Variants in NPTX2 observed in about 807,000 individuals in gnomAD.
NPTX2 encodes the protein neuronal pentraxin-2.
NPTX2 carries 23 observed loss-of-function variants against 38.1 expected under a neutral mutation model. The observed-to-expected ratio is 0.60, with a 90% confidence interval of 0.43 to 0.85. The LOEUF (loss-of-function observed/expected upper bound fraction) is 0.85. NPTX2 is among the 40% of genes least tolerant of loss of function. The probability of loss-of-function intolerance (pLI) is 0.00; values close to 1 mark genes in which losing one functional copy is unlikely to be tolerated. For missense variants in NPTX2, 553 were observed against 615.3 expected, an observed-to-expected ratio of 0.90 and a Z score of 1.07; for synonymous variants, 291 against 287.3, an observed-to-expected ratio of 1.01 and a Z score of -0.13.
In NPTX2 at chr7:98,625,094, G is replaced by A. The variant is rs146031119; in HGVS notation, c.816G>A (p.Val272=). 3.7e-6 allele frequency: 6 copies of A among 1,612,346 alleles called. No individual in the cohort carries two copies. In the African/African-American group the frequency reaches 6.7e-5, roughly 18 times the overall value. The part of the protein sequence containing the change: ...PGIGTPFSYA[V]PGQANEIVLI... ...TTGGCACCCCCTTCTCCTATGCGGT[G>A]CCAGGGCAGGCCAACGAGATCGTGC... Residue 272 remains valine, a synonymous_variant, in exon 3 of 5, where the codon GTG becomes GTA. Coordinates refer to ENST00000265634, the MANE Select transcript of NPTX2 (RefSeq NM_002523.3).
At chr7:98,618,330 C>G (rs995443303) in intron 1 of NPTX2, among the ~76,000 whole-genome samples, 1 of 152,108 alleles carries the variant, frequency 6.6e-6, no homozygotes, top group South Asian at 2.1e-4. Context: ...TCAGCTGCCC[C>G]GGGCATGTGG....
Position 98,624,982 on chromosome 7 carries a change from A to T in NPTX2, c.704A>T (p.Tyr235Phe). ...FKVSLPLRTN[Y>F]LYGKIKKTLP... is the part of the protein sequence containing the mutation. The stretch of plus-strand genomic sequence containing the variant: ...GTGTCCCTCCCACTCCGCACAAACT[A>T]CCTATACGGCAAGATCAAGAAGACG... Residue 235 changes from tyrosine (Y) to phenylalanine (F), a missense_variant, in exon 3 of 5, where the codon TAC becomes TTC. By Grantham distance (22) the Tyr-to-Phe change is conservative. Transcript: ENST00000265634. The T allele has an allele frequency of 6.2e-7, 1 of 1,613,740 alleles. No homozygotes were observed. Among genetic ancestry groups the T allele is most frequent in the Non-Finnish European group, 8.5e-7 (1 of 1,179,982 alleles).
chr7:98,626,695 T>A (rs1192850898), intron 3 of NPTX2, among the ~76,000 whole-genome samples: 1 of 152,194 alleles, frequency 6.6e-6, no homozygotes, highest in Non-Finnish European at 1.5e-5. Context: ...TTCCTCACGC[T>A]GTCCGTGAGT....
chr7:98,619,915 G>A, intron 2 of NPTX2, 56 bp downstream of exon 2: 1 of 1,487,088 alleles, frequency 6.7e-7, no homozygotes. Flanking sequence ...ACCACTTGTG[G>A]TCAGACATGC....
At chr7:98,625,295 C>A in intron 3 of NPTX2, 129 bp downstream of exon 3, 1 of 1,214,002 alleles carries the variant, frequency 8.2e-7, no homozygotes, top group Non-Finnish European at 1.1e-6. Context: ...GACTGCGGGG[C>A]TGTCCTCCTC....
At chr7:98,625,248 G>A (rs1198881723) in intron 3 of NPTX2, 82 bp downstream of exon 3, 10 of 1,500,272 alleles carry the variant, frequency 6.7e-6, no homozygotes, top group South Asian at 3.8e-5. Context: ...AGCCGTCCTC[G>A]CCCTCCTCGG....
intron 1 of NPTX2, among the ~76,000 whole-genome samples, chr7:98,618,144 G>C (rs1198443632): frequency 6.6e-6 from 1 of 152,210 alleles, no homozygotes; most frequent in Non-Finnish European, 1.5e-5. Flanking sequence ...GGGACTGCCA[G>C]CGGGATCCGC....
In NPTX2 at chr7:98,628,387, G is replaced by C. The variant is rs1246271582; in HGVS notation, c.1069-15G>C. ...GAACCAGCCCTGACGCAGCTCTCTT[G>C]TTCCCATTCCCCAGGACACCGTGGG... On this transcript the variant is annotated splice_polypyrimidine_tract_variant and intron_variant, in intron 4 of 4. Coordinates refer to ENST00000265634, the MANE Select transcript of NPTX2 (RefSeq NM_002523.3). 2.1e-6 allele frequency: 3 copies of C among 1,406,022 alleles called. No homozygotes were observed. In the Admixed American group the frequency reaches 5.3e-5, roughly 25 times the overall value. 87.1% of individuals were successfully genotyped at this position (1,406,022 alleles called of 1,614,324 possible).
chr7:98,626,969 C>T (rs1347803795), intron 3 of NPTX2, among the ~76,000 whole-genome samples, 196 bp from the exon 4 acceptor site: 1 of 152,202 alleles, frequency 6.6e-6, no homozygotes, highest in Non-Finnish European at 1.5e-5. Flanking sequence ...CAAGGGTGTC[C>T]CATTAATGTG....
In NPTX2 at chr7:98,627,233, G is replaced by T. The variant is rs2115633806; in HGVS notation, c.957G>T (p.Arg319=). The T allele has an allele frequency of 2.5e-6, 4 of 1,613,522 alleles. No individual in the cohort carries two copies. The highest frequency in any genetic ancestry group is 3.4e-6 in the Non-Finnish European group (4 of 1,179,452). Residue 319 remains arginine (R), a synonymous_variant, in exon 4 of 5, where the codon CGG becomes CGT. Transcript: ENST00000265634. ...ACATCTGTGTCACCTGGACGACACG[G>T]GATGGCATGTGGGAGGCATTCCAGG... ...WHHICVTWTT[R]DGMWEAFQDG... is the part of the protein sequence containing the mutation.
chr7:98,618,023 A>C, intron 1 of NPTX2, 136 bp downstream of exon 1: 1 of 855,514 alleles, frequency 1.2e-6, no homozygotes, highest in Non-Finnish European at 1.7e-6. Flanking sequence ...GCTGGACTTG[A>C]GGGTGAAAGG....
At chr7:98,621,674 TG>T (rs1791272388) in intron 2 of NPTX2, among the ~76,000 whole-genome samples, 1 of 152,140 alleles carries the variant, frequency 6.6e-6, no homozygotes, top group African/African-American at 2.4e-5. Context: ...GGGGCCTTGG[TG>T]GGGGAACTCT....
rs372556032 is a variant in NPTX2 at position 98,625,211 on chromosome 7, G to A, written c.888+45G>A. The A allele has an allele frequency of 5.5e-5, 85 of 1,543,728 alleles. No individual in the cohort carries two copies. The African/African-American group carries it at 1.1e-3, about 19-fold the overall frequency. On this transcript the variant is annotated intron_variant, in intron 3 of 4. Coordinates refer to ENST00000265634, the MANE Select transcript of NPTX2 (RefSeq NM_002523.3). ...CCACCCTCCCCAGAACCCATCATGT[G>A]GTGGAGGGAGCCACAGCCCCCACCC...
At chr7:98,621,512 T>C (rs1219064668) in intron 2 of NPTX2, among the ~76,000 whole-genome samples, 1 of 152,222 alleles carries the variant, frequency 6.6e-6, no homozygotes, top group Admixed American at 6.5e-5. Flanking sequence ...GTTTGTCTTC[T>C]GGGCAATTCT....
chr7:98,617,727 G>T lies in NPTX2; in HGVS notation c.266G>T (p.Gly89Val), dbSNP rs1041956416. Reference sequence around the variant, plus strand: ...CGCGAGGCCATCCGCGAGCTCACGGGCAAGCTAGCGCGCTGCGAGGGGCTG... The same window carrying T: ...CGCGAGGCCATCCGCGAGCTCACGGTCAAGCTAGCGCGCTGCGAGGGGCTG... ...AQREAIRELT[G>V]KLARCEGLAG... The change falls in exon 1 of 5, where the codon GGC becomes GTC. Residue 89 changes from glycine (G) to valine (V), a missense_variant. Transcript: ENST00000265634. The T allele has an allele frequency of 4.2e-6, 6 of 1,421,748 alleles. No individual in the cohort carries two copies. The East Asian group carries it at 1.5e-4, about 35-fold the overall frequency. 88.1% of individuals were successfully genotyped at this position (1,421,748 alleles called of 1,614,324 possible).
rs546761839 is a variant in NPTX2, at chr7:98,623,342, A to G, written c.644-1580A>G. On this transcript the variant is annotated intron_variant, in intron 2 of 4. Coordinates refer to ENST00000265634, the MANE Select transcript of NPTX2 (RefSeq NM_002523.3). ...TGGACAAGGGCTGCCGCTGTGGTTT[A>G]CTTAATTTTGAACTTCAACCAAGGC... Among the ~76,000 whole-genome samples the G allele has an allele frequency of 1.6e-3, 243 of 152,326 alleles. 1 individual carries two copies. The highest frequency in any genetic ancestry group is 3.0e-3 in the Non-Finnish European group (203 of 68,032).
chr7:98,619,656 C>A lies in NPTX2; in HGVS notation c.440C>A (p.Ala147Glu), dbSNP rs1316946787. The A allele has an allele frequency of 6.2e-7, 1 of 1,613,112 alleles. No homozygotes were observed. The highest frequency in any genetic ancestry group is 8.5e-7 in the Non-Finnish European group (1 of 1,179,922). The change falls in exon 2 of 5, where the codon GCA (alanine) becomes GAA (glutamate). Residue 147 changes from alanine to glutamate, a missense_variant. By Grantham distance (107) the Ala-to-Glu change is moderately radical. Transcript: ENST00000265634. ...GGTGGCTGAAAGCACCAGCTCAGAG[C>A]AAACGTGTCCAATGCTGGGCTGCCC... The part of the protein sequence containing the change: ...RLESLEHQLR[A>E]NVSNAGLPGD...
At chr7:98,618,409 G>A (rs1026133804) in intron 1 of NPTX2, among the ~76,000 whole-genome samples, 5 of 152,154 alleles carry the variant, frequency 3.3e-5, no homozygotes. Flanking sequence ...AGGTCGCAGG[G>A]AGGCGAGCGC....
intron 2 of NPTX2, among the ~76,000 whole-genome samples, chr7:98,620,723 C>T (rs914608483): frequency 2.0e-5 from 3 of 152,122 alleles, no homozygotes; most frequent in Admixed American, 2.0e-4. Context: ...CGTCTAGGCA[C>T]AGGTGAGCGT....
Sources: allele counts gnomAD v4.1 joint callset (sites outside exome capture counted in the v4.1 genomes callset), GRCh38; gene constraint gnomAD v4.1.1; transcripts MANE v1.5; gene names NCBI Gene and HGNC (gene_info 2026-07-23, HGNC 2026-07-21).